Variants in TNFRSF10A observed in about 807,000 individuals in gnomAD.
TNFRSF10A encodes the protein TNF receptor superfamily member 10a, also known as tumor necrosis factor receptor superfamily member 10A.
Under a neutral mutation model 42.8 loss-of-function variants are expected in TNFRSF10A, and 44 were observed. The ratio of observed to expected loss-of-function variants is 1.03; its 90% CI spans 0.81 to 1.32. The LOEUF (loss-of-function observed/expected upper bound fraction) is 1.32, where lower values mean the gene tolerates loss of function less well. Ranked by LOEUF, TNFRSF10A falls within the 40% of genes most tolerant of loss-of-function variation. TNFRSF10A has a pLI of 0.00. For synonymous variants in TNFRSF10A, 259 were observed against 234.2 expected, an observed-to-expected ratio of 1.11 and a Z score of -0.97; for missense variants, 680 against 602.0, an observed-to-expected ratio of 1.13 and a Z score of -1.36.
intron 4 of TNFRSF10A, among the ~76,000 whole-genome samples, chr8:23,201,363 C>T (rs1817835712): frequency 6.6e-6 from 1 of 152,154 alleles, no homozygotes; most frequent in Admixed American, 6.5e-5. Flanking sequence ...GGGCTGTGGG[C>T]ATTTCTGTCT....
intron 2 of TNFRSF10A, among the ~76,000 whole-genome samples, chr8:23,209,487 C>T (rs918968749): frequency 2.0e-5 from 3 of 152,208 alleles, no homozygotes; most frequent in South Asian, 2.1e-4. Context: ...CCAGGAGGGG[C>T]GCTATACCTT....
chr8:23,210,741 T>C (rs564659640), intron 2 of TNFRSF10A, among the ~76,000 whole-genome samples: 1 of 152,266 alleles, frequency 6.6e-6, no homozygotes, highest in East Asian at 1.9e-4. Context: ...ATAAGTTTTA[T>C]CCTAGGAATG....
chr8:23,199,564 T>C, intron 7 of TNFRSF10A, 116 bp from the exon 8 acceptor site: 1 of 1,306,474 alleles, frequency 7.7e-7, no homozygotes, highest in Non-Finnish European at 1.1e-6. Context: ...CTCCAGGAAG[T>C]CCATGCTCAG....
chr8:23,204,349 A>G (rs1800976209), intron 2 of TNFRSF10A, among the ~76,000 whole-genome samples: 1 of 152,232 alleles, frequency 6.6e-6, no homozygotes, highest in Admixed American at 6.5e-5. Flanking sequence ...AAAAAGTTGC[A>G]TAAAGTTAAC....
intron 1 of TNFRSF10A, 68 bp downstream of exon 1, chr8:23,224,688 C>CCT (rs1585291068): frequency 4.0e-6 from 6 of 1,494,866 alleles, no homozygotes; most frequent in Non-Finnish European, 5.4e-6. Context: ...GCCGCGTCCC[C>CCT]CTCTCTCTCT....
chr8:23,222,771 GC>G (rs1585290076), intron 1 of TNFRSF10A, among the ~76,000 whole-genome samples: 1 of 152,148 alleles, frequency 6.6e-6, no homozygotes. Flanking sequence ...TGCCATAACC[GC>G]CCCCTCCCAC....
chr8:23,202,809 A>C (rs778443174), intron 2 of TNFRSF10A, 48 bp from the exon 3 acceptor site: 2 of 1,372,996 alleles, frequency 1.5e-6, no homozygotes, highest in South Asian at 2.3e-5. Flanking sequence ...CAGAGTTCCC[A>C]GAGGATCGTG....
chr8:23,196,890 A>G (rs1295400583), intron 9 of TNFRSF10A, among the ~76,000 whole-genome samples: 3 of 152,112 alleles, frequency 2.0e-5, no homozygotes, highest in Non-Finnish European at 4.4e-5. Context: ...AGGAGAAGAG[A>G]GGAGGTGGAG....
chr8:23,202,670 G>A lies in TNFRSF10A; in HGVS notation c.495C>T (p.Leu165=). ...TACCTGATTTACAAGCTGTACATGG[G>A]AGGCAAGCAAACAAATTGTTGGAAG... ...TNASNNLFAC[L]PCTACKSDEE... The change falls in exon 3 of 10, where the codon CTC becomes CTT. Residue 165 remains leucine, a synonymous_variant. Transcript: ENST00000221132. 6.2e-7 allele frequency: 1 copy of A among 1,613,940 alleles called. No homozygotes were observed. Among genetic ancestry groups the A allele is most frequent in the Non-Finnish European group, 8.5e-7 (1 of 1,179,894 alleles).
intron 1 of TNFRSF10A, among the ~76,000 whole-genome samples, chr8:23,224,131 A>T (rs6986618): frequency 0.93 from 140,300 of 151,576 alleles, 65,988 homozygotes; most frequent in East Asian, 1. Flanking sequence ...AAACCCCGTG[A>T]CTACTAAAAA....
chr8:23,220,082 T>C (rs1801236973), intron 1 of TNFRSF10A, among the ~76,000 whole-genome samples: 1 of 152,186 alleles, frequency 6.6e-6, no homozygotes, highest in African/African-American at 2.4e-5. Flanking sequence ...GAGTGCACCC[T>C]GCTCTTCCCT....
chr8:23,192,417 C>T (rs1800769258), intron 9 of TNFRSF10A, among the ~76,000 whole-genome samples: 1 of 152,214 alleles, frequency 6.6e-6, no homozygotes, highest in Non-Finnish European at 1.5e-5. Flanking sequence ...AGGGTGGCCA[C>T]TTCTGCATCT....
intron 1 of TNFRSF10A, 157 bp downstream of exon 1, chr8:23,224,599 C>G: frequency 3.9e-6 from 4 of 1,027,884 alleles, no homozygotes; most frequent in Non-Finnish European, 5.5e-6. Context: ...CCGGGGACCC[C>G]GTTCTTCCTC....
Position 23,212,146 on chromosome 8 carries a change from G to A in TNFRSF10A, c.373C>T (p.His125Tyr), listed in dbSNP as rs765942519. ...DQSIGTQQWE[H>Y]SPLGELCPPG... ...GGACACAACTCTCCCAAAGGGCTAT[G>A]TTCCCATTGCTGTGTGCCAATTGAT... Residue 125 changes from histidine to tyrosine, a missense_variant, in exon 2 of 10, where the codon CAT becomes TAT. His to Tyr is a moderately conservative substitution (Grantham distance 83). Transcript: ENST00000221132. 3.7e-6 allele frequency: 6 copies of A among 1,613,834 alleles called. No homozygotes were observed. Among genetic ancestry groups the A allele is most frequent in the Non-Finnish European group, 5.1e-6 (6 of 1,179,796 alleles).
chr8:23,220,309 T>G (rs1020380167), intron 1 of TNFRSF10A, among the ~76,000 whole-genome samples: 2 of 152,232 alleles, frequency 1.3e-5, no homozygotes, highest in African/African-American at 2.4e-5. Flanking sequence ...AATGAAGATG[T>G]GCAGTCTCTG....
chr8:23,199,822 C>T lies in TNFRSF10A; in HGVS notation c.831+64G>A, dbSNP rs911322074. On this transcript the variant is annotated intron_variant, in intron 7 of 9. Coordinates refer to ENST00000221132, the MANE Select transcript of TNFRSF10A (RefSeq NM_003844.4). ...CACGGGGACCCACCCACCTGGACTA[C>T]ACTGTGGGCAAGAAGCAGTTCCTGA... The T allele has an allele frequency of 3.1e-6, 5 of 1,612,566 alleles. No individual in the cohort carries two copies. In the Admixed American group the frequency reaches 6.7e-5, roughly 21 times the overall value.
chr8:23,224,786 G>A lies in TNFRSF10A; in HGVS notation c.276C>T (p.Phe92=). ...GCAGGACCCCGACGACGACAAACTT[G>A]AAGGTCTTGTGGACCCGGAGCCGAG... ...ASPRLRVHKT[F]KFVVVGVLLQ... Residue 92 remains phenylalanine (F), a synonymous_variant, in exon 1 of 10, where the codon TTC becomes TTT. Transcript: ENST00000221132. 1 of 1,569,920 alleles carries A rather than the reference G, an allele frequency of 6.4e-7. No homozygotes were observed. The highest frequency in any genetic ancestry group is 1.7e-4 in the Middle Eastern group (1 of 5,866).
intron 2 of TNFRSF10A, among the ~76,000 whole-genome samples, chr8:23,205,272 TG>T (rs1269562718): frequency 2.6e-5 from 4 of 152,232 alleles, no homozygotes; most frequent in Middle Eastern, 3.4e-3. Context: ...TATGTGACGG[TG>T]GTCCCATAAT....
intron 8 of TNFRSF10A, among the ~76,000 whole-genome samples, chr8:23,198,715 G>A (rs905243302): frequency 2.6e-5 from 4 of 152,186 alleles, no homozygotes; most frequent in Non-Finnish European, 5.9e-5. Context: ...GTGTGTACCT[G>A]TATGTGTGGG....
Sources: allele counts gnomAD v4.1 joint callset (sites outside exome capture counted in the v4.1 genomes callset), GRCh38; gene constraint gnomAD v4.1.1; transcripts MANE v1.5; gene names NCBI Gene and HGNC (gene_info 2026-07-23, HGNC 2026-07-21).